Variants in RGS6 observed in about 807,000 individuals in gnomAD.
The protein encoded by RGS6 is regulator of G-protein signaling 6.
In RGS6, 30 loss-of-function variants were observed where a neutral mutation model predicts 78.5. That is an observed-to-expected ratio of 0.38 (90% CI 0.29 to 0.52). The LOEUF (loss-of-function observed/expected upper bound fraction) is 0.52, where lower values mean the gene tolerates loss of function less well. Ranked by LOEUF, RGS6 falls within the 20% of genes least tolerant of loss-of-function variation. The pLI is 0.85. For synonymous variants in RGS6, 206 were observed against 206.0 expected, an observed-to-expected ratio of 1.00 and a Z score of 0.00; for missense variants, 495 against 609.7, an observed-to-expected ratio of 0.81 and a Z score of 1.98.
At chr14:72,554,134 A>G (rs2097540771) in intron 17 of RGS6, among the ~76,000 whole-genome samples, 1 of 152,248 alleles carries the variant, frequency 6.6e-6, no homozygotes, top group African/African-American at 2.4e-5. Context: ...CTCTTTGCAT[A>G]TGCATCCAAA....
At chr14:72,629,879 G>A in the RGS6 span, 4 of 674,434 alleles carry the variant, frequency 5.9e-6, no homozygotes, top group Non-Finnish European at 1.0e-5. Context: ...GACCCAAACA[G>A]GGCCCTACCC....
At chr14:72,381,169 TAG>T (rs894941212) in intron 3 of RGS6, among the ~76,000 whole-genome samples, 8 of 151,688 alleles carry the variant, frequency 5.3e-5, no homozygotes, top group African/African-American at 1.9e-4. Flanking sequence ...TTGAGAAGGG[TAG>T]AGAGGGGGAG....
intron 3 of RGS6, among the ~76,000 whole-genome samples, chr14:72,375,651 C>T (rs569231030): frequency 1.1e-4 from 17 of 152,314 alleles, no homozygotes; most frequent in African/African-American, 2.9e-4. Flanking sequence ...CAGACATATG[C>T]CTCCAATCTG....
chr14:72,242,790 T>G (rs1358577728), intron 2 of RGS6, among the ~76,000 whole-genome samples: 1 of 150,712 alleles, frequency 6.6e-6, no homozygotes. Context: ...TTTCAAAAAT[T>G]TTTTAAACAT....
intron 2 of RGS6, among the ~76,000 whole-genome samples, chr14:72,042,209 C>T (rs577871228): frequency 6.7e-6 from 1 of 149,952 alleles, no homozygotes; most frequent in Non-Finnish European, 1.5e-5. Flanking sequence ...TTTACCGCAA[C>T]CTCTGCCTCC....
chr14:71,968,900 T>C (rs1389463670), intron 2 of RGS6, among the ~76,000 whole-genome samples: 1 of 152,240 alleles, frequency 6.6e-6, no homozygotes, highest in Non-Finnish European at 1.5e-5. Context: ...TATGTATACA[T>C]GTGCCATGTT....
the RGS6 span, among the ~76,000 whole-genome samples, chr14:72,626,922 G>T: frequency 1.3e-5 from 2 of 148,696 alleles, no homozygotes; most frequent in Non-Finnish European, 3.0e-5. Context: ...GAGTGCATTT[G>T]AACTTTTTTT....
intron 3 of RGS6, among the ~76,000 whole-genome samples, chr14:72,445,202 T>C (rs1162147046): frequency 2.0e-5 from 3 of 152,258 alleles, no homozygotes; most frequent in Non-Finnish European, 2.9e-5. Flanking sequence ...TGTTTTGTTT[T>C]GTTTTTTGAG....
intron 2 of RGS6, among the ~76,000 whole-genome samples, chr14:72,345,016 C>T (rs1049933617): frequency 3.9e-5 from 6 of 152,208 alleles, no homozygotes; most frequent in Non-Finnish European, 7.3e-5. Context: ...AAAAGTTAAA[C>T]ACCTTCTTCC....
At chr14:72,175,818 G>A (rs1316055597) in intron 2 of RGS6, among the ~76,000 whole-genome samples, 1 of 152,138 alleles carries the variant, frequency 6.6e-6, no homozygotes, top group Non-Finnish European at 1.5e-5. Flanking sequence ...CTAGTGGGGA[G>A]GGAGAGAGAA....
chr14:72,514,449 C>T (rs1246722358), intron 14 of RGS6, among the ~76,000 whole-genome samples: 3 of 152,224 alleles, frequency 2.0e-5, no homozygotes, highest in South Asian at 4.1e-4. Context: ...AAATCCTCTT[C>T]CTTGAAAGCC....
At chr14:72,362,261 C>T (rs1241966077) in intron 3 of RGS6, among the ~76,000 whole-genome samples, 1 of 152,150 alleles carries the variant, frequency 6.6e-6, no homozygotes, top group African/African-American at 2.4e-5. Flanking sequence ...GAAGAATGGA[C>T]AAAATGCTGT....
chr14:72,342,391 C>T (rs1385838765), intron 2 of RGS6, among the ~76,000 whole-genome samples: 1 of 151,940 alleles, frequency 6.6e-6, no homozygotes, highest in Non-Finnish European at 1.5e-5. Flanking sequence ...CATGGCGAAA[C>T]TCCATATCTC....
intron 2 of RGS6, among the ~76,000 whole-genome samples, chr14:72,120,741 T>C (rs924420684): frequency 1.1e-4 from 17 of 152,200 alleles, no homozygotes; most frequent in African/African-American, 3.9e-4. Flanking sequence ...CACAAGAACA[T>C]GTAAAACGAA....
At chr14:72,161,637 T>C (rs1305007818) in intron 2 of RGS6, among the ~76,000 whole-genome samples, 1 of 152,228 alleles carries the variant, frequency 6.6e-6, no homozygotes, top group Non-Finnish European at 1.5e-5. Context: ...AGGTTATTAC[T>C]GAAATATTCT....
At chr14:72,167,438 A>G (rs1437755327) in intron 2 of RGS6, among the ~76,000 whole-genome samples, 1 of 152,206 alleles carries the variant, frequency 6.6e-6, no homozygotes, top group East Asian at 1.9e-4. Context: ...ACCCACCCAC[A>G]TACATTCAGG....
intron 2 of RGS6, among the ~76,000 whole-genome samples, chr14:72,027,548 G>T (rs1345809293): frequency 6.6e-6 from 1 of 152,098 alleles, no homozygotes; most frequent in Non-Finnish European, 1.5e-5. Context: ...CCCTGTTGTA[G>T]CCCAGTGACA....
chr14:71,972,828 G>A (rs921117875), intron 2 of RGS6, among the ~76,000 whole-genome samples: 3 of 152,170 alleles, frequency 2.0e-5, no homozygotes, highest in African/African-American at 7.2e-5. Flanking sequence ...TTTGGGGGCT[G>A]AGAAGACGTA....
chr14:72,408,672 A>G (rs554491345), intron 3 of RGS6, among the ~76,000 whole-genome samples: 24 of 152,334 alleles, frequency 1.6e-4, no homozygotes, highest in African/African-American at 5.8e-4. Context: ...TCAATTTGGC[A>G]TCATGGAAAT....
Sources: gnomAD v4.1 joint callset for allele counts (sites outside exome capture counted in the v4.1 genomes callset) on GRCh38, gnomAD v4.1.1 for gene constraint, MANE v1.5 for transcripts, NCBI Gene and HGNC (gene_info 2026-07-23, HGNC 2026-07-21) for gene names.